Variants in BRD7 observed in about 807,000 individuals in gnomAD.
The protein encoded by BRD7 is bromodomain-containing protein 7.
Under a neutral mutation model 82.1 loss-of-function variants are expected in BRD7, and 15 were observed. That is an observed-to-expected ratio of 0.18 (90% CI 0.12 to 0.28). The LOEUF is 0.28. BRD7 is among the 10% of genes least tolerant of loss of function. The pLI, the probability that BRD7 is intolerant of heterozygous loss-of-function variation, is 1.00. For missense variants in BRD7, 638 were observed against 779.9 expected, an observed-to-expected ratio of 0.82 and a Z score of 2.17; for synonymous variants, 232 against 266.9, an observed-to-expected ratio of 0.87 and a Z score of 1.27.
chr16:50,326,436 T>G (rs367575448), intron 9 of BRD7, 45 bp from the exon 10 acceptor site: 3 of 1,376,172 alleles, frequency 2.2e-6, no homozygotes, highest in South Asian at 3.1e-5. Flanking sequence ...TACATGGCCA[T>G]GACCCACGGG....
At chr16:50,360,987 T>C (rs1597097588) in intron 2 of BRD7, among the ~76,000 whole-genome samples, 1 of 152,214 alleles carries the variant, frequency 6.6e-6, no homozygotes, top group African/African-American at 2.4e-5. Flanking sequence ...CAATGAACTG[T>C]GTTTTGCCAG....
At position 50,368,173 on chromosome 16, in the gene BRD7, T is replaced by G. The variant is rs140227979; in HGVS notation, c.175A>C (p.Lys59Gln). 6.2e-7 allele frequency: 1 copy of G among 1,614,042 alleles called. No homozygotes were observed. The highest frequency in any genetic ancestry group is 8.5e-7 in the Non-Finnish European group (1 of 1,180,016). The change falls in exon 2 of 17, where the codon AAG becomes CAG. Residue 59 changes from lysine to glutamine, a missense_variant. Physicochemically the swap from Lys to Gln is moderately conservative, Grantham distance 53 (BLOSUM62 1). This residue lies in a region of BRD7 where 172 missense variants were observed against 155.3 expected (regional missense o/e 1.11). Transcript: ENST00000394688. The part of the protein sequence containing the change: ...FEDKNDHDKH[K>Q]DRKRKKRKKG... Reference sequence around the variant, plus strand: ...TTTCTCTTTTTCCGCTTTCTGTCCTTGTGTTTGTCATGATCGTTTTTGTCT... The same window carrying G: ...TTTCTCTTTTTCCGCTTTCTGTCCTGGTGTTTGTCATGATCGTTTTTGTCT...
rs1427064761 is a variant in BRD7, at chr16:50,368,903, C to T, written c.-129G>A. The T allele has an allele frequency of 7.4e-6, 3 of 403,386 alleles. No homozygotes were observed. The highest frequency in any genetic ancestry group is 1.0e-5 in the Non-Finnish European group (3 of 300,042). 25.0% of individuals were successfully genotyped at this position (403,386 alleles called of 1,614,324 possible). A position where few individuals can be genotyped will look rare whatever the true frequency, so the allele number is the denominator to read the frequency against. On this transcript the variant is annotated 5_prime_UTR_variant, in exon 1 of 17. Transcript: ENST00000394688. ...GACCCCGCGCCGCGAGGCAGGGGGG[C>T]GGCGCGCGCCGGGCGGCGCGATGCC...
chr16:50,348,187 C>A, intron 5 of BRD7, among the ~76,000 whole-genome samples: 1 of 152,160 alleles, frequency 6.6e-6, no homozygotes, highest in Non-Finnish European at 1.5e-5. Context: ...ATAAATGGTG[C>A]TGGGAAAACT....
At chr16:50,361,283 A>G (rs573710905) in intron 2 of BRD7, among the ~76,000 whole-genome samples, 1 of 152,366 alleles carries the variant, frequency 6.6e-6, no homozygotes, top group East Asian at 1.9e-4. Flanking sequence ...AATTTTCATT[A>G]AAGTTTTACT....
chr16:50,365,670 G>A (rs2039115233), intron 2 of BRD7, among the ~76,000 whole-genome samples: 1 of 152,036 alleles, frequency 6.6e-6, no homozygotes, highest in South Asian at 2.1e-4. Flanking sequence ...GACAGTTAGA[G>A]AACAAGAAAA....
In BRD7 at chr16:50,360,429, A is replaced by G. The variant is rs183400630; in HGVS notation, c.259-5507T>C. On this transcript the variant is annotated intron_variant, in intron 2 of 16. Transcript: ENST00000394688. ...TTTTAACAGCTGATTTTAGAATCCAATGAAAAATGTTTCATTACCTGGCAG... is the reference window on the plus strand; with the variant it reads ...TTTTAACAGCTGATTTTAGAATCCAGTGAAAAATGTTTCATTACCTGGCAG... Among the ~76,000 whole-genome samples the G allele has an allele frequency of 1.3e-4, 20 of 152,362 alleles. No individual in the cohort carries two copies. The East Asian group carries it at 1.9e-3, about 15-fold the overall frequency.
chr16:50,316,960 A>T lies in BRD7; in HGVS notation c.*2251T>A, dbSNP rs191177266. On this transcript the variant is annotated 3_prime_UTR_variant, in exon 17 of 17. Coordinates refer to ENST00000394688, the MANE Select transcript of BRD7 (RefSeq NM_013263.5). ...TGCATACAGGAGCCTTTACAAGATGATTATACAGGGTTGCAGATTGGGTGA... is the reference window on the plus strand; with the variant it reads ...TGCATACAGGAGCCTTTACAAGATGTTTATACAGGGTTGCAGATTGGGTGA... 443 of 152,846 alleles carry T rather than the reference A, an allele frequency of 2.9e-3. 3 individuals are homozygous for T. The highest frequency in any genetic ancestry group is 4.6e-3 in the Non-Finnish European group (311 of 68,040). 9.5% of individuals were successfully genotyped at this position (152,846 alleles called of 1,614,324 possible).
At chr16:50,338,690 A>G (rs905519144) in intron 6 of BRD7, among the ~76,000 whole-genome samples, 34 of 152,194 alleles carry the variant, frequency 2.2e-4, no homozygotes, top group Non-Finnish European at 4.1e-4. Context: ...TCTACCTCTT[A>G]TCTAGAATCA....
chr16:50,336,217 T>A (rs143910237), intron 6 of BRD7, among the ~76,000 whole-genome samples: 1 of 152,308 alleles, frequency 6.6e-6, no homozygotes, highest in African/African-American at 2.4e-5. Flanking sequence ...CATTTAGATT[T>A]CCATGTTTCC....
At chr16:50,341,830 T>C (rs1446764116) in intron 5 of BRD7, among the ~76,000 whole-genome samples, 1 of 151,482 alleles carries the variant, frequency 6.6e-6, no homozygotes, top group African/African-American at 2.4e-5. Context: ...TTAAGCCAAT[T>C]TGTAGATTCC....
At chr16:50,326,072 G>A (rs1344161508) in intron 10 of BRD7, among the ~76,000 whole-genome samples, 189 bp from the exon 11 acceptor site, 1 of 151,918 alleles carries the variant, frequency 6.6e-6, no homozygotes, top group Non-Finnish European at 1.5e-5. Flanking sequence ...CTACAAGGGA[G>A]AGGGAGAGGA....
chr16:50,368,675 C>A (rs1597111688), intron 1 of BRD7, 51 bp downstream of exon 1: 1 of 1,536,410 alleles, frequency 6.5e-7, no homozygotes, highest in South Asian at 1.2e-5. Flanking sequence ...AGAGCGGAAG[C>A]CCGGCAGAGC....
intron 2 of BRD7, among the ~76,000 whole-genome samples, chr16:50,356,416 T>C: frequency 6.6e-6 from 1 of 152,176 alleles, no homozygotes; most frequent in East Asian, 1.9e-4. Context: ...AATAGATTAA[T>C]AAATTGTGTC....
chr16:50,353,071 CTTTT>C (rs148217111), intron 4 of BRD7, among the ~76,000 whole-genome samples: 1 of 144,728 alleles, frequency 6.9e-6, no homozygotes, highest in Non-Finnish European at 1.5e-5. Context: ...TCAGTAAGTT[CTTTT>C]TTTTTTTTTT....
chr16:50,368,475 CG>C (rs2039240186), intron 1 of BRD7, 177 bp from the exon 2 acceptor site: 10 of 803,472 alleles, frequency 1.2e-5, no homozygotes, highest in Non-Finnish European at 1.9e-5. Context: ...CCGCCCGCCC[CG>C]AACGCTCCCA....
At chr16:50,322,799 T>A (rs2037175978) in intron 12 of BRD7, among the ~76,000 whole-genome samples, 1 of 152,266 alleles carries the variant, frequency 6.6e-6, no homozygotes, top group Non-Finnish European at 1.5e-5. Context: ...ATGTATTTTT[T>A]AAATTGATGT....
rs1765694737 is a variant in BRD7 at position 50,368,728 on chromosome 16, T to G, written c.47A>C (p.Glu16Ala). ...CCGCACCCCGGCCCCCTCCTCACCCTCGTAGAGGTGTTTGTCCGACTTGTG... is the reference window on the plus strand; with the variant it reads ...CCGCACCCCGGCCCCCTCCTCACCCGCGTAGAGGTGTTTGTCCGACTTGTG... ...KKHKSDKHLY[E>A]EYVEKPLKLV... Residue 16 changes from glutamate (E) to alanine (A), a missense_variant and splice_region_variant, in exon 1 of 17, where the codon GAG becomes GCG. Coordinates refer to ENST00000394688, the MANE Select transcript of BRD7 (RefSeq NM_013263.5). 1 of 1,552,960 alleles carries G rather than the reference T, an allele frequency of 6.4e-7. No homozygotes were observed. The highest frequency in any genetic ancestry group is 1.4e-5 in the African/African-American group (1 of 69,696).
chr16:50,320,094 G>A, intron 15 of BRD7, 64 bp from the exon 16 acceptor site: 1 of 1,548,122 alleles, frequency 6.5e-7, no homozygotes, highest in Non-Finnish European at 8.7e-7. Context: ...GCATCCCAAA[G>A]AACAGTAAAT....
Sources: gnomAD v4.1 joint callset for allele counts (sites outside exome capture counted in the v4.1 genomes callset) on GRCh38, gnomAD v4.1.1 for gene constraint, gnomAD v4.1.1 regional missense constraint, MANE v1.5 for transcripts, NCBI Gene and HGNC (gene_info 2026-07-23, HGNC 2026-07-21) for gene names.